Variants in TTC28 observed in about 807,000 individuals in gnomAD.
The protein encoded by TTC28 is tetratricopeptide repeat domain 28, also known as tetratricopeptide repeat protein 28.
TTC28 carries 61 observed loss-of-function variants against 198.0 expected under a neutral mutation model. The ratio of observed to expected loss-of-function variants is 0.31; its 90% CI spans 0.25 to 0.38. The LOEUF is 0.38. Among genes scored for constraint, TTC28 ranks in the 10% least tolerant of loss-of-function variants. The pLI, the probability that TTC28 is intolerant of heterozygous loss-of-function variation, is 1.00. For missense variants in TTC28, 2,678 were observed against 3,164.0 expected (o/e 0.85, Z 3.69); for synonymous variants, 1,171 against 1,297.8 (o/e 0.90, Z 2.10).
chr22:28,556,875 T>G (rs1350780127), intron 2 of TTC28, among the ~76,000 whole-genome samples: 1 of 152,226 alleles, frequency 6.6e-6, no homozygotes, highest in Non-Finnish European at 1.5e-5. Flanking sequence ...CAGTAGGGCT[T>G]TTCCATGGGT....
chr22:28,110,565 G>A (rs2146910364), intron 6 of TTC28, among the ~76,000 whole-genome samples: 1 of 152,174 alleles, frequency 6.6e-6, no homozygotes, highest in South Asian at 2.1e-4. Context: ...TTTTTTATGA[G>A]TAAAATATTT....
intron 2 of TTC28, among the ~76,000 whole-genome samples, chr22:28,576,789 C>A (rs1174130344): frequency 1.3e-5 from 2 of 151,946 alleles, no homozygotes; most frequent in Non-Finnish European, 2.9e-5. Context: ...CTCATAGTAG[C>A]CTCTAATCCT....
chr22:28,191,688 A>G (rs955093545), intron 5 of TTC28, among the ~76,000 whole-genome samples: 13 of 152,314 alleles, frequency 8.5e-5, no homozygotes, highest in African/African-American at 2.9e-4. Context: ...AGCCTTGCTC[A>G]TTGCTAGCGC....
intron 2 of TTC28, among the ~76,000 whole-genome samples, chr22:28,396,119 G>C (rs1208518205): frequency 6.6e-6 from 1 of 152,142 alleles, no homozygotes; most frequent in African/African-American, 2.4e-5. Flanking sequence ...GTAATGCTGG[G>C]CATCAGATAA....
intron 5 of TTC28, among the ~76,000 whole-genome samples, chr22:28,209,059 C>A (rs1926660418): frequency 6.6e-6 from 1 of 152,158 alleles, no homozygotes; most frequent in African/African-American, 2.4e-5. Flanking sequence ...ATCAAAAGGC[C>A]ATTGTTCTCA....
chr22:28,432,078 G>A (rs941469805), intron 2 of TTC28, among the ~76,000 whole-genome samples: 1 of 151,996 alleles, frequency 6.6e-6, no homozygotes, highest in Admixed American at 6.6e-5. Context: ...GAAGTCAGGA[G>A]ATCGAGACCA....
intron 5 of TTC28, among the ~76,000 whole-genome samples, chr22:28,245,494 T>C (rs1930017570): frequency 6.6e-6 from 1 of 152,152 alleles, no homozygotes; most frequent in African/African-American, 2.4e-5. Flanking sequence ...ACACTGTTAA[T>C]AAATGGTATA....
At chr22:28,286,696 G>A (rs901787720) in intron 5 of TTC28, among the ~76,000 whole-genome samples, 2 of 152,116 alleles carry the variant, frequency 1.3e-5, no homozygotes, top group Non-Finnish European at 2.9e-5. Context: ...AATACAGATG[G>A]CTGAGCAAAT....
chr22:28,619,384 A>C (rs1167246085), intron 2 of TTC28, among the ~76,000 whole-genome samples: 1 of 152,220 alleles, frequency 6.6e-6, no homozygotes, highest in East Asian at 1.9e-4. Flanking sequence ...ATAAGGAGGA[A>C]CAAACCTAGA....
rs35793503 is a variant in TTC28, at chr22:28,352,312, C to CATAT, written c.382-45673_382-45670dup. On this transcript the variant is annotated intron_variant, in intron 2 of 22. Transcript: ENST00000397906. ...AGAACCTATTAGACAGAGATATATACATATATATATATATATATATATATC... is the reference window on the plus strand; with the variant it reads ...AGAACCTATTAGACAGAGATATATACATATATATATATATATATATATATATATC... Among the ~76,000 whole-genome samples the CATAT allele has an allele frequency of 6.2e-3, 878 of 142,736 alleles. 15 individuals are homozygous for CATAT. Among genetic ancestry groups the CATAT allele is most frequent in the African/African-American group, 0.014 (506 of 37,448 alleles). 93.6% of individuals were successfully genotyped at this position (142,736 alleles called of 152,430 possible). A position where few individuals can be genotyped will look rare whatever the true frequency, so the allele number is the denominator to read the frequency against.
intron 16 of TTC28, chr22:27,997,376 T>G (rs1327745413): frequency 6.6e-6 from 1 of 152,234 alleles, no homozygotes; most frequent in Non-Finnish European, 1.5e-5. Context: ...CAGTTGTGTT[T>G]GTAAAGTAAG....
intron 2 of TTC28, among the ~76,000 whole-genome samples, chr22:28,357,201 A>G (rs548598648): frequency 2.5e-4 from 38 of 152,022 alleles, no homozygotes; most frequent in Non-Finnish European, 5.1e-4. Flanking sequence ...ATTCCCCACT[A>G]TAATGTACCT....
intron 5 of TTC28, among the ~76,000 whole-genome samples, chr22:28,230,008 T>G (rs1265439816): frequency 6.6e-6 from 1 of 152,074 alleles, no homozygotes; most frequent in African/African-American, 2.4e-5. Context: ...AGCAGAATAT[T>G]TGAATAGTGG....
chr22:28,083,448 T>A (rs960950898), intron 12 of TTC28, among the ~76,000 whole-genome samples: 47 of 152,166 alleles, frequency 3.1e-4, no homozygotes, highest in African/African-American at 1.1e-3. Flanking sequence ...TACAAAAAAG[T>A]TTCTTCCCCC....
At chr22:28,056,502 C>T (rs540665889) in intron 12 of TTC28, 1 of 152,330 alleles carries the variant, frequency 6.6e-6, no homozygotes, top group African/African-American at 2.4e-5. Flanking sequence ...AGTTTACCCT[C>T]TTTCCATTCA....
At chr22:28,036,345 G>C (rs1332131569) in intron 12 of TTC28, among the ~76,000 whole-genome samples, 1 of 152,176 alleles carries the variant, frequency 6.6e-6, no homozygotes, top group Non-Finnish European at 1.5e-5. Context: ...AATCACATTA[G>C]AACTCAGGAT....
rs1286454050 is a variant in TTC28 at position 28,586,147 on chromosome 22, T to C, written c.381+43405A>G. ...ACAAAAAATTAGCTGGGCGTGGTGG[T>C]GGGCGCCTGTAGTCCCAGCTACTCG... On this transcript the variant is annotated intron_variant, in intron 2 of 22. Coordinates refer to ENST00000397906, the MANE Select transcript of TTC28 (RefSeq NM_001145418.2). 3.3e-5 allele frequency among the ~76,000 whole-genome samples: 5 copies of C among 151,410 alleles called. No individual in the cohort carries two copies. In the South Asian group the frequency reaches 6.3e-4, roughly 19 times the overall value.
chr22:28,342,543 C>T (rs750292114), intron 2 of TTC28, among the ~76,000 whole-genome samples: 1 of 151,820 alleles, frequency 6.6e-6, no homozygotes, highest in Non-Finnish European at 1.5e-5. Context: ...GCTTAAATTG[C>T]TTTAAAACAG....
At chr22:28,455,986 C>T (rs918895809) in intron 2 of TTC28, among the ~76,000 whole-genome samples, 3 of 151,848 alleles carry the variant, frequency 2.0e-5, no homozygotes, top group Non-Finnish European at 4.4e-5. Flanking sequence ...AGTGAAACCC[C>T]ATCTCTACTA....
Sources: gnomAD v4.1 joint callset for allele counts (sites outside exome capture counted in the v4.1 genomes callset) on GRCh38, gnomAD v4.1.1 for gene constraint, MANE v1.5 for transcripts, NCBI Gene and HGNC (gene_info 2026-07-23, HGNC 2026-07-21) for gene names.